Variants in PARP12 observed in about 807,000 individuals in gnomAD.
PARP12 encodes the protein protein mono-ADP-ribosyltransferase PARP12.
Under a neutral mutation model 72.4 loss-of-function variants are expected in PARP12, and 59 were observed. The ratio of observed to expected loss-of-function variants is 0.81; its 90% CI spans 0.66 to 1.01. The LOEUF (loss-of-function observed/expected upper bound fraction) is 1.01. Ranked by LOEUF, PARP12 falls within the 50% of genes least tolerant of loss-of-function variation. The probability of loss-of-function intolerance (pLI) is 0.00; values close to 1 mark genes in which losing one functional copy is unlikely to be tolerated. For synonymous variants in PARP12, 403 were observed against 371.4 expected, an observed-to-expected ratio of 1.09 and a Z score of -0.98; for missense variants, 851 against 914.0, an observed-to-expected ratio of 0.93 and a Z score of 0.89.
intron 5 of PARP12, among the ~76,000 whole-genome samples, chr7:140,045,829 G>A (rs1039640948): frequency 1.3e-5 from 2 of 152,164 alleles, no homozygotes; most frequent in African/African-American, 2.4e-5. Context: ...TTCCTCTGCC[G>A]GGAAGTGTCT....
chr7:140,058,449 T>TG (rs1164756841), intron 1 of PARP12, among the ~76,000 whole-genome samples: 1 of 150,622 alleles, frequency 6.6e-6, no homozygotes, highest in East Asian at 2.0e-4. Context: ...AGGCGGAGCT[T>TG]GCAGTGAGCC....
At chr7:140,056,172 G>A (rs1817169532) in intron 3 of PARP12, among the ~76,000 whole-genome samples, 1 of 152,184 alleles carries the variant, frequency 6.6e-6, no homozygotes, top group Non-Finnish European at 1.5e-5. Flanking sequence ...CCCACAAGAG[G>A]TACTCAAGAA....
chr7:140,028,751 G>T (rs2116518044), intron 8 of PARP12, 63 bp from the exon 9 acceptor site: 1 of 1,405,110 alleles, frequency 7.1e-7, no homozygotes, highest in Non-Finnish European at 9.8e-7. Flanking sequence ...ATATACCATA[G>T]GTGGTCTCTG....
chr7:140,058,499 C>CAAAA (rs768336170), intron 1 of PARP12, among the ~76,000 whole-genome samples: 2 of 110,944 alleles, frequency 1.8e-5, no homozygotes, highest in African/African-American at 6.8e-5. Context: ...GACTCAGTCT[C>CAAAA]AAAAAAAAAA....
At chr7:140,061,355 C>G (rs1331491977) in intron 1 of PARP12, among the ~76,000 whole-genome samples, 1 of 152,222 alleles carries the variant, frequency 6.6e-6, no homozygotes, top group Non-Finnish European at 1.5e-5. Flanking sequence ...GTCAGTCAGC[C>G]TGCATCCCTG....
In PARP12 at chr7:140,034,341, A is replaced by C. The variant is rs1203159103; in HGVS notation, c.1325-10T>G. 7 of 1,603,358 alleles carry C rather than the reference A, an allele frequency of 4.4e-6. No individual in the cohort carries two copies. Among genetic ancestry groups the C allele is most frequent in the South Asian group, 1.1e-5 (1 of 89,490 alleles). On this transcript the variant is annotated splice_polypyrimidine_tract_variant and intron_variant, in intron 7 of 11. Coordinates refer to ENST00000263549, the MANE Select transcript of PARP12 (RefSeq NM_022750.4). ...TTTTTCTGAACGAAGGCTGAAAAAAAACATAACCAGTGAAAAAATATACAT... is the reference window on the plus strand; with the variant it reads ...TTTTTCTGAACGAAGGCTGAAAAAACACATAACCAGTGAAAAAATATACAT...
chr7:140,044,336 G>A (rs746940320), intron 5 of PARP12, among the ~76,000 whole-genome samples: 30 of 152,150 alleles, frequency 2.0e-4, no homozygotes, highest in Non-Finnish European at 3.8e-4. Flanking sequence ...TATTGGATTC[G>A]GGTGGGCCCT....
In PARP12 at chr7:140,062,786, A is replaced by C; in HGVS notation, c.62T>G (p.Leu21Arg). 7.1e-7 allele frequency: 1 copy of C among 1,409,488 alleles called. No homozygotes were observed. The highest frequency in any genetic ancestry group is 9.3e-7 in the Non-Finnish European group (1 of 1,078,810). 87.3% of individuals were successfully genotyped at this position (1,409,488 alleles called of 1,614,324 possible). A position where few individuals can be genotyped will look rare whatever the true frequency, so the allele number is the denominator to read the frequency against. The stretch of plus-strand genomic sequence containing the variant: ...GCGGCGCCGCAGCTCGGGCAACTCC[A>C]GGGCGCCCCCGGCCGCGCACAGCAC... Reference protein sequence around the residue: ...TQVLCAAGGALELPELRRRLR... With the variant: ...TQVLCAAGGARELPELRRRLR... The change falls in exon 1 of 12, where the codon CTG becomes CGG. Residue 21 changes from leucine to arginine, a missense_variant. Physicochemically the swap from Leu to Arg is moderately radical, Grantham distance 102. Coordinates refer to ENST00000263549, the MANE Select transcript of PARP12 (RefSeq NM_022750.4).
intron 5 of PARP12, among the ~76,000 whole-genome samples, chr7:140,042,948 C>A (rs931099188): frequency 6.6e-6 from 1 of 152,348 alleles, no homozygotes; most frequent in East Asian, 1.9e-4. Context: ...GTAATCCCAG[C>A]ACTTTGGGAG....
chr7:140,026,334 A>G lies in PARP12; in HGVS notation c.1643T>C (p.Met548Thr). 6.2e-7 allele frequency: 1 copy of G among 1,610,982 alleles called. No homozygotes were observed. The highest frequency in any genetic ancestry group is 8.5e-7 in the Non-Finnish European group (1 of 1,179,650). The change falls in exon 11 of 12, where the codon ATG becomes ACG. Residue 548 changes from methionine to threonine, a missense_variant. Coordinates refer to ENST00000263549, the MANE Select transcript of PARP12 (RefSeq NM_022750.4). ...GGCCTTCCCTCCGTTCTGCTTCTGC[A>G]TCTGTCCTTTTTGCCTAGAATCACA... ...WEVYQWQKGQ[M>T]QKQNGGKAVD...
chr7:140,033,495 C>T (rs546136431), intron 8 of PARP12: 1 of 985,468 alleles, frequency 1.0e-6, no homozygotes, highest in South Asian at 4.7e-5. Flanking sequence ...ACTGTATGGG[C>T]ACTGTGGTCC....
chr7:140,052,463 T>G (rs947180072), intron 4 of PARP12, among the ~76,000 whole-genome samples: 2 of 152,212 alleles, frequency 1.3e-5, no homozygotes, highest in Non-Finnish European at 2.9e-5. Flanking sequence ...ATAAACTTTT[T>G]TGTAAAGCAT....
chr7:140,031,389 A>G (rs763670368), intron 8 of PARP12, among the ~76,000 whole-genome samples: 21 of 152,194 alleles, frequency 1.4e-4, no homozygotes, highest in Non-Finnish European at 2.6e-4. Flanking sequence ...AAATAAATAA[A>G]TAAATACATA....
At chr7:140,047,121 G>A in intron 4 of PARP12, 114 bp from the exon 5 acceptor site, 2 of 1,246,480 alleles carry the variant, frequency 1.6e-6, no homozygotes, top group Non-Finnish European at 2.1e-6. Flanking sequence ...TCTGAAATGT[G>A]TGGTGGAGTC....
chr7:140,049,391 G>C (rs1451104696), intron 4 of PARP12, among the ~76,000 whole-genome samples: 3 of 152,154 alleles, frequency 2.0e-5, no homozygotes, highest in Non-Finnish European at 2.9e-5. Context: ...ATAATTAAAG[G>C]GCTGGGCCAG....
rs185316189 is a variant in PARP12 at position 140,060,416 on chromosome 7, A to C, written c.326+2106T>G. On this transcript the variant is annotated intron_variant, in intron 1 of 11. Transcript: ENST00000263549. ...GGAAGACAAGCAGAGTCACAGGGGA[A>C]GCAGAAAAGTGCAGCCAACCACACC... is the stretch of plus-strand genomic sequence containing the variant. Among the ~76,000 whole-genome samples the C allele has an allele frequency of 2.4e-3, 359 of 152,340 alleles. 5 individuals are homozygous for C. The highest frequency in any genetic ancestry group is 7.9e-3 in the African/African-American group (329 of 41,576).
intron 1 of PARP12, among the ~76,000 whole-genome samples, chr7:140,058,927 A>C (rs982080352): frequency 3.8e-4 from 57 of 151,710 alleles, no homozygotes; most frequent in African/African-American, 1.2e-3. Flanking sequence ...GAAAACCTGT[A>C]TCTACTAAAA....
intron 5 of PARP12, among the ~76,000 whole-genome samples, 164 bp downstream of exon 5, chr7:140,046,720 C>CTG (rs1569527749): frequency 6.8e-4 from 74 of 109,562 alleles, no homozygotes; most frequent in African/African-American, 2.2e-3. Context: ...AGGTGGCTCA[C>CTG]AGTGTGTGTG....
chr7:140,057,889 T>C lies in PARP12; in HGVS notation c.462+10A>G, dbSNP rs140219951. 580 of 1,614,054 alleles carry C rather than the reference T, an allele frequency of 3.6e-4. 3 individuals carry two copies. Among genetic ancestry groups the C allele is most frequent in the African/African-American group, 3.5e-3 (265 of 75,052 alleles). On this transcript the variant is annotated intron_variant, in intron 2 of 11. Transcript: ENST00000263549. ...GGAGCTGTGGAACCCAGACTTCCCCTGGCACTCACTTCTGGCAAAAGCCAG... is the reference window on the plus strand; with the variant it reads ...GGAGCTGTGGAACCCAGACTTCCCCCGGCACTCACTTCTGGCAAAAGCCAG...
Sources: allele counts gnomAD v4.1 joint callset (sites outside exome capture counted in the v4.1 genomes callset), GRCh38; gene constraint gnomAD v4.1.1; transcripts MANE v1.5; gene names NCBI Gene and HGNC (gene_info 2026-07-23, HGNC 2026-07-21).